TRIM42: variants seen among roughly 807,000 people sequenced by gnomAD.
The protein encoded by TRIM42 is tripartite motif containing 42.
TRIM42 carries 59 observed loss-of-function variants against 64.9 expected under a neutral mutation model. The ratio of observed to expected loss-of-function variants is 0.91; its 90% confidence interval spans 0.74 to 1.13. The LOEUF is 1.13. TRIM42 is among the 50% of genes most tolerant of loss of function. The pLI is 0.00. For missense variants in TRIM42, 878 were observed against 929.5 expected (o/e 0.94, Z 0.72); for synonymous variants, 354 against 346.3 (o/e 1.02, Z -0.25).
At chr3:140,694,936 C>G (rs1988811174) in intron 4 of TRIM42, among the ~76,000 whole-genome samples, 1 of 152,152 alleles carries the variant, frequency 6.6e-6, no homozygotes, top group Non-Finnish European at 1.5e-5. Flanking sequence ...ATAATTCAGG[C>G]TAGTCTCCCT....
At chr3:140,700,110 G>T in intron 4 of TRIM42, among the ~76,000 whole-genome samples, 1 of 152,142 alleles carries the variant, frequency 6.6e-6, no homozygotes, top group East Asian at 1.9e-4. Flanking sequence ...TATTTATTTG[G>T]GGGGAAGGAA....
At chr3:140,699,248 G>A (rs1481825279) in intron 4 of TRIM42, among the ~76,000 whole-genome samples, 4 of 151,878 alleles carry the variant, frequency 2.6e-5, no homozygotes, top group African/African-American at 9.7e-5. Flanking sequence ...TTTTATTTTG[G>A]TTTATTGCAT....
In TRIM42 at chr3:140,691,135, G is replaced by A; in HGVS notation, c.2028G>A (p.Val676=). ...ACCTGACCCCCAACACAGAATACGT[G>A]TTTAAAGTTAGAGCCATCAATGATA... ...LHNLTPNTEY[V]FKVRAINDNG... Residue 676 remains valine, a synonymous_variant, in exon 4 of 5, where the codon GTG becomes GTA. Coordinates refer to ENST00000286349, the MANE Select transcript of TRIM42 (RefSeq NM_152616.5). The A allele has an allele frequency of 6.2e-7, 1 of 1,614,136 alleles. No individual in the cohort carries two copies. The highest frequency in any genetic ancestry group is 1.1e-5 in the South Asian group (1 of 91,074).
intron 2 of TRIM42, among the ~76,000 whole-genome samples, chr3:140,687,173 CAAAGGGGGGA>C (rs1308211469): frequency 2.0e-5 from 3 of 151,914 alleles, no homozygotes; most frequent in Admixed American, 2.0e-4. Context: ...ACAAGAGGGA[CAAAGGGGGGA>C]AAAGGGCATC....
Position 140,682,765 on chromosome 3 carries a change from C to G in TRIM42, c.645C>G (p.Thr215=). ...LPENYLHGRL[T]KRYMQEHGYL... ...AGAACTACCTGCACGGGCGTCTCAC[C>G]AAGCGCTACATGCAGGAGCACGGCT... is the stretch of plus-strand genomic sequence containing the variant. The change falls in exon 2 of 5, where the codon ACC becomes ACG. Residue 215 remains threonine (T), a synonymous_variant. Transcript: ENST00000286349. The G allele has an allele frequency of 6.2e-7, 1 of 1,613,398 alleles. No homozygotes were observed. The highest frequency in any genetic ancestry group is 8.5e-7 in the Non-Finnish European group (1 of 1,180,036).
chr3:140,692,795 A>C (rs1988756429), intron 4 of TRIM42, among the ~76,000 whole-genome samples: 1 of 152,102 alleles, frequency 6.6e-6, no homozygotes, highest in East Asian at 1.9e-4. Flanking sequence ...ATCTAATCTC[A>C]TCTGCCTTCT....
intron 4 of TRIM42, among the ~76,000 whole-genome samples, chr3:140,693,096 T>G (rs1988763491): frequency 6.6e-6 from 1 of 152,208 alleles, no homozygotes; most frequent in African/African-American, 2.4e-5. Flanking sequence ...TAATAGTTAT[T>G]GAATGAGTAT....
intron 4 of TRIM42, 91 bp downstream of exon 4, chr3:140,691,283 T>A: frequency 9.2e-7 from 1 of 1,081,966 alleles, no homozygotes; most frequent in Non-Finnish European, 1.4e-6. Context: ...ATTATAGAAC[T>A]CACTATGGGA....
chr3:140,678,618 A>G (rs751738738), intron 1 of TRIM42, 48 bp downstream of exon 1: 3 of 1,506,292 alleles, frequency 2.0e-6, no homozygotes, highest in Admixed American at 1.9e-5. Flanking sequence ...CATGAAAACT[A>G]GGGACCACTT....
intron 4 of TRIM42, among the ~76,000 whole-genome samples, chr3:140,693,349 G>A (rs1476067562): frequency 6.6e-6 from 1 of 152,190 alleles, no homozygotes; most frequent in Non-Finnish European, 1.5e-5. Context: ...ATCTAAATGA[G>A]CAGAGCCCTA....
intron 4 of TRIM42, among the ~76,000 whole-genome samples, 194 bp from the exon 5 acceptor site, chr3:140,700,694 G>A (rs375251997): frequency 3.3e-5 from 5 of 152,344 alleles, no homozygotes; most frequent in African/African-American, 1.2e-4. Flanking sequence ...GGACACTATA[G>A]CTGTGGGGCT....
intron 4 of TRIM42, among the ~76,000 whole-genome samples, chr3:140,694,084 C>CCCT (rs1197806066): frequency 2.0e-5 from 3 of 152,192 alleles, no homozygotes; most frequent in Admixed American, 2.0e-4. Context: ...TCCTTTGTTC[C>CCCT]CCTGCACCAT....
intron 4 of TRIM42, among the ~76,000 whole-genome samples, chr3:140,692,562 C>CACACACCCACACACACACACACAG (rs375439126): frequency 8.8e-6 from 1 of 114,118 alleles, no homozygotes; most frequent in Non-Finnish European, 1.9e-5. Flanking sequence ...CACACACACA[C>CACACACCCACACACACACACACAG]AGAGAGAGAT....
At chr3:140,688,928 A>G (rs1236545432) in intron 3 of TRIM42, among the ~76,000 whole-genome samples, 1 of 152,280 alleles carries the variant, frequency 6.6e-6, no homozygotes, top group African/African-American at 2.4e-5. Flanking sequence ...AATTGTACTT[A>G]GAAATGCAGG....
At chr3:140,681,096 G>A (rs928750405) in intron 1 of TRIM42, among the ~76,000 whole-genome samples, 3 of 152,160 alleles carry the variant, frequency 2.0e-5, no homozygotes, top group Non-Finnish European at 4.4e-5. Context: ...CTTAGAACAG[G>A]TACTTGAATT....
At position 140,678,278 on chromosome 3, in the gene TRIM42, T is replaced by C. The variant is rs773099476; in HGVS notation, c.49T>C (p.Cys17Arg). The C allele has an allele frequency of 1.9e-6, 3 of 1,614,204 alleles. No individual in the cohort carries two copies. In the South Asian group the frequency reaches 3.3e-5, roughly 18 times the overall value. The change falls in exon 1 of 5, where the codon TGT (cysteine) becomes CGT (arginine). Residue 17 changes from cysteine (C) to arginine (R), a missense_variant. Coordinates refer to ENST00000286349, the MANE Select transcript of TRIM42 (RefSeq NM_152616.5). ...VCCPCCTWQR[C>R]CPQLCSCLCC... ...CTGTCCATGTTGTACATGGCAGAGA[T>C]GTTGTCCTCAGTTATGCTCCTGTCT... is the stretch of plus-strand genomic sequence containing the variant.
chr3:140,697,157 A>G (rs1481148006), intron 4 of TRIM42, among the ~76,000 whole-genome samples: 1 of 152,140 alleles, frequency 6.6e-6, no homozygotes, highest in Non-Finnish European at 1.5e-5. Context: ...CTTCTTCTGT[A>G]AAGAACCTGT....
intron 1 of TRIM42, among the ~76,000 whole-genome samples, chr3:140,681,798 G>A (rs1292203688): frequency 2.6e-5 from 4 of 151,040 alleles, no homozygotes; most frequent in African/African-American, 9.7e-5. Flanking sequence ...GGACACGGGA[G>A]TAAATCTATT....
In TRIM42 at chr3:140,688,377, C is replaced by T. The variant is rs758407893; in HGVS notation, c.1695C>T (p.Ala565=). ...GGAGAGCCCAGTCAGCCACCCCCGCCAAACCCACAGACGGCCTCTACACCT... is the reference window on the plus strand; with the variant it reads ...GGAGAGCCCAGTCAGCCACCCCCGCTAAACCCACAGACGGCCTCTACACCT... ...ACGRAQSATP[A]KPTDGLYTYW... Residue 565 remains alanine (A), a synonymous_variant, in exon 3 of 5, where the codon GCC becomes GCT. Coordinates refer to ENST00000286349, the MANE Select transcript of TRIM42 (RefSeq NM_152616.5). 3.1e-6 allele frequency: 5 copies of T among 1,614,050 alleles called. No homozygotes were observed. The highest frequency in any genetic ancestry group is 3.4e-6 in the Non-Finnish European group (4 of 1,180,032).
Sources: gnomAD v4.1 joint callset for allele counts (sites outside exome capture counted in the v4.1 genomes callset) on GRCh38, gnomAD v4.1.1 for gene constraint, MANE v1.5 for transcripts, NCBI Gene and HGNC (gene_info 2026-07-23, HGNC 2026-07-21) for gene names.